Variants in KIAA1549L observed in about 807,000 individuals in gnomAD.
KIAA1549L encodes the protein UPF0606 protein KIAA1549L.
A neutral mutation model predicts 160.7 loss-of-function variants in KIAA1549L; 88 were observed. The ratio of observed to expected loss-of-function variants is 0.55; its 90% CI spans 0.46 to 0.65. The LOEUF is 0.65. Ranked by LOEUF, KIAA1549L falls within the 30% of genes least tolerant of loss-of-function variation. The probability of loss-of-function intolerance (pLI) is 0.00; values close to 1 mark genes in which losing one functional copy is unlikely to be tolerated. For missense variants in KIAA1549L, 2,258 were observed against 2,437.5 expected, an observed-to-expected ratio of 0.93 and a Z score of 1.55; for synonymous variants, 950 against 976.7, an observed-to-expected ratio of 0.97 and a Z score of 0.51.
At chr11:33,581,163 G>T (rs1237990468) in intron 10 of KIAA1549L, among the ~76,000 whole-genome samples, 2 of 152,212 alleles carry the variant, frequency 1.3e-5, no homozygotes, top group Non-Finnish European at 2.9e-5. Flanking sequence ...GGAGGGTTTG[G>T]TGGGAGAACC....
At chr11:33,411,552 G>C (rs1202154650) in intron 1 of KIAA1549L, among the ~76,000 whole-genome samples, 1 of 152,134 alleles carries the variant, frequency 6.6e-6, no homozygotes, top group African/African-American at 2.4e-5. Context: ...GGAAACTCTT[G>C]GGTCATTGCC....
intron 1 of KIAA1549L, among the ~76,000 whole-genome samples, chr11:33,459,617 G>A (rs1338311688): frequency 1.3e-5 from 2 of 152,108 alleles, no homozygotes; most frequent in East Asian, 3.9e-4. Flanking sequence ...CTGATTCATG[G>A]CCTCCGTCTG....
At chr11:33,587,654 C>T (rs959379335) in intron 11 of KIAA1549L, among the ~76,000 whole-genome samples, 1 of 152,188 alleles carries the variant, frequency 6.6e-6, no homozygotes, top group Non-Finnish European at 1.5e-5. Context: ...ACCTTTTAAG[C>T]TTGGAATTCC....
At chr11:33,404,246 C>G (rs947392921) in intron 1 of KIAA1549L, among the ~76,000 whole-genome samples, 24 of 152,248 alleles carry the variant, frequency 1.6e-4, no homozygotes, top group African/African-American at 5.8e-4. Context: ...TCATTTAGGC[C>G]AGGCACAGTG....
chr11:33,528,270 A>G (rs1464704423), intron 1 of KIAA1549L, among the ~76,000 whole-genome samples: 2 of 152,248 alleles, frequency 1.3e-5, no homozygotes, highest in East Asian at 3.8e-4. Context: ...TCAAAACCAC[A>G]ATGCAATACC....
At chr11:33,421,276 C>T (rs1851005527) in intron 1 of KIAA1549L, among the ~76,000 whole-genome samples, 1 of 148,186 alleles carries the variant, frequency 6.7e-6, no homozygotes, top group Non-Finnish European at 1.5e-5. Flanking sequence ...AGTGTGTGCA[C>T]TGGGGCTGTA....
Position 33,668,306 on chromosome 11 carries a change from C to T in KIAA1549L, c.*152C>T. Reference sequence around the variant, plus strand: ...AGGTGAACTATGGGGCTTCTGGGAACAGGAAACTCTTGAACGACTAGATTC... The same window carrying T: ...AGGTGAACTATGGGGCTTCTGGGAATAGGAAACTCTTGAACGACTAGATTC... On this transcript the variant is annotated 3_prime_UTR_variant, in exon 21 of 21. Coordinates refer to ENST00000658780, the MANE Select transcript of KIAA1549L (RefSeq NM_012194.3). The T allele has an allele frequency of 2.7e-6, 2 of 727,436 alleles. No individual in the cohort carries two copies. Among genetic ancestry groups the T allele is most frequent in the Non-Finnish European group, 4.4e-6 (2 of 450,788 alleles). 45.1% of individuals were successfully genotyped at this position (727,436 alleles called of 1,614,324 possible).
chr11:33,656,989 G>A (rs1285436260), intron 18 of KIAA1549L, among the ~76,000 whole-genome samples: 4 of 152,152 alleles, frequency 2.6e-5, no homozygotes, highest in Admixed American at 6.5e-5. Flanking sequence ...CATGAGCACA[G>A]GGGCCTAGAT....
intron 1 of KIAA1549L, among the ~76,000 whole-genome samples, chr11:33,434,413 A>G (rs1851314659): frequency 6.6e-6 from 1 of 152,228 alleles, no homozygotes; most frequent in South Asian, 2.1e-4. Flanking sequence ...TTTCTTTTAT[A>G]AATTACCCAG....
intron 4 of KIAA1549L, among the ~76,000 whole-genome samples, chr11:33,549,147 A>ATT (rs559913628): frequency 1.4e-4 from 21 of 147,632 alleles, no homozygotes; most frequent in African/African-American, 4.9e-4. Flanking sequence ...GACAATGAGT[A>ATT]TTTTTTTTTT....
At chr11:33,630,425 C>T (rs548184447) in intron 16 of KIAA1549L, among the ~76,000 whole-genome samples, 1 of 152,276 alleles carries the variant, frequency 6.6e-6, no homozygotes, top group Admixed American at 6.5e-5. Flanking sequence ...TGCTAGCAAT[C>T]AGCGAGACTC....
chr11:33,529,964 C>A (rs574539494), intron 1 of KIAA1549L, among the ~76,000 whole-genome samples: 1 of 152,170 alleles, frequency 6.6e-6, no homozygotes, highest in African/African-American at 2.4e-5. Flanking sequence ...TCTTTTTGCC[C>A]AATTCTCTAG....
chr11:33,658,952 C>T (rs1852170036), intron 19 of KIAA1549L, 54 bp downstream of exon 19: 8 of 1,482,542 alleles, frequency 5.4e-6, no homozygotes, highest in South Asian at 2.7e-5. Flanking sequence ...TGTGCCCTGT[C>T]CTCCCTCAAA....
intron 1 of KIAA1549L, among the ~76,000 whole-genome samples, chr11:33,491,352 A>G (rs188340905): frequency 6.6e-6 from 1 of 152,330 alleles, no homozygotes; most frequent in Admixed American, 6.5e-5. Context: ...GTATGATGCA[A>G]GACCAAAGAA....
At chr11:33,535,928 C>T (rs749744916) in intron 1 of KIAA1549L, among the ~76,000 whole-genome samples, 14 of 152,200 alleles carry the variant, frequency 9.2e-5, no homozygotes, top group Non-Finnish European at 1.8e-4. Context: ...CTCATTTCCT[C>T]CTCAAAATTT....
Position 33,646,055 on chromosome 11 carries a change from C to G in KIAA1549L, c.5760+19C>G. 6.6e-7 allele frequency: 1 copy of G among 1,517,836 alleles called. No individual in the cohort carries two copies. Among genetic ancestry groups the G allele is most frequent in the South Asian group, 1.2e-5 (1 of 81,056 alleles). The allele number at this position is 1,517,836 out of a possible 1,614,324, so 94.0% of individuals were successfully genotyped here. Reference sequence around the variant, plus strand: ...CCGGCCGGTAAGTCATTCATTCCACCCACCTGCCATCATCTGGTCAGTCTG... The same window carrying G: ...CCGGCCGGTAAGTCATTCATTCCACGCACCTGCCATCATCTGGTCAGTCTG... On this transcript the variant is annotated intron_variant, in intron 17 of 20. Coordinates refer to ENST00000658780, the MANE Select transcript of KIAA1549L (RefSeq NM_012194.3).
chr11:33,445,096 T>C (rs2023571), intron 1 of KIAA1549L, among the ~76,000 whole-genome samples: 97,877 of 152,048 alleles, frequency 0.64, 32,132 homozygotes, highest in African/African-American at 0.76. Flanking sequence ...GCAGCACAGT[T>C]AGGCCCCCAG....
At chr11:33,413,420 AGAGT>A (rs1255981272) in intron 1 of KIAA1549L, among the ~76,000 whole-genome samples, 7 of 144,554 alleles carry the variant, frequency 4.8e-5, no homozygotes, top group Non-Finnish European at 1.1e-4. Flanking sequence ...CTGGGGAGAC[AGAGT>A]GAGACCCTGT....
chr11:33,573,781 C>T (rs958863263), intron 9 of KIAA1549L, among the ~76,000 whole-genome samples: 7 of 152,030 alleles, frequency 4.6e-5, no homozygotes, highest in African/African-American at 7.2e-5. Flanking sequence ...ACCAGGCATG[C>T]GTACTGTAGA....
Sources: gnomAD v4.1 joint callset for allele counts (sites outside exome capture counted in the v4.1 genomes callset) on GRCh38, gnomAD v4.1.1 for gene constraint, MANE v1.5 for transcripts, NCBI Gene and HGNC (gene_info 2026-07-23, HGNC 2026-07-21) for gene names.